The following PPP2R2B variants were observed in gnomAD, a reference collection of about 807,000 sequenced individuals.
The protein encoded by PPP2R2B is serine/threonine-protein phosphatase 2A 55 kDa regulatory subunit B beta isoform.
PPP2R2B carries 5 observed loss-of-function variants against 46.0 expected under a neutral mutation model. The observed-to-expected ratio is 0.11, with a 90% CI of 0.06 to 0.23. The LOEUF (loss-of-function observed/expected upper bound fraction) is 0.23, where lower values mean the gene tolerates loss of function less well. Ranked by LOEUF, PPP2R2B falls within the 10% of genes least tolerant of loss-of-function variation. The pLI is 1.00. For synonymous variants in PPP2R2B, 215 were observed against 206.7 expected, an observed-to-expected ratio of 1.04 and a Z score of -0.34; for missense variants, 367 against 575.0, an observed-to-expected ratio of 0.64 and a Z score of 3.70.
At chr5:146,711,319 C>T (rs911574488) in intron 2 of PPP2R2B, among the ~76,000 whole-genome samples, 1 of 151,938 alleles carries the variant, frequency 6.6e-6, no homozygotes, top group Non-Finnish European at 1.5e-5. Flanking sequence ...AGAGCCAATA[C>T]CAAAGTGGAC....
chr5:146,955,003 G>A (rs779508362), intron 1 of PPP2R2B, among the ~76,000 whole-genome samples: 3 of 152,106 alleles, frequency 2.0e-5, no homozygotes, highest in Admixed American at 6.6e-5. Flanking sequence ...TTATCTGCTC[G>A]ATGGTCCTCC....
At chr5:146,775,098 C>T (rs530360008) in intron 2 of PPP2R2B, among the ~76,000 whole-genome samples, 23 of 152,064 alleles carry the variant, frequency 1.5e-4, no homozygotes, top group Admixed American at 3.9e-4. Flanking sequence ...TTCAAAAAAA[C>T]GAAAACAAAA....
intron 1 of PPP2R2B, among the ~76,000 whole-genome samples, chr5:146,916,669 A>G (rs1582419912): frequency 3.9e-5 from 6 of 152,292 alleles, no homozygotes; most frequent in Admixed American, 3.9e-4. Flanking sequence ...TCCAAACAGT[A>G]GCTCCAGATT....
At chr5:146,900,120 C>T (rs111959016) in intron 1 of PPP2R2B, among the ~76,000 whole-genome samples, 43 of 152,290 alleles carry the variant, frequency 2.8e-4, no homozygotes, top group Middle Eastern at 6.8e-3. Flanking sequence ...TTGAGCCATG[C>T]CCTTCCTTTG....
intron 2 of PPP2R2B, among the ~76,000 whole-genome samples, chr5:146,852,092 G>T (rs1760384459): frequency 6.6e-6 from 1 of 151,998 alleles, no homozygotes; most frequent in Non-Finnish European, 1.5e-5. Context: ...AAATTAAAGT[G>T]GCTCACTTAT....
At chr5:146,709,032 T>G (rs941342039) in intron 2 of PPP2R2B, among the ~76,000 whole-genome samples, 1 of 152,242 alleles carries the variant, frequency 6.6e-6, no homozygotes, top group Admixed American at 6.5e-5. Context: ...TTGCTATCCT[T>G]GACCTACTGT....
At chr5:146,887,180 T>A (rs772060202) in intron 1 of PPP2R2B, among the ~76,000 whole-genome samples, 1 of 152,172 alleles carries the variant, frequency 6.6e-6, no homozygotes, top group Non-Finnish European at 1.5e-5. Flanking sequence ...GAATTACTAA[T>A]GACATATCTA....
intron 2 of PPP2R2B, among the ~76,000 whole-genome samples, chr5:146,767,258 T>C (rs920466275): frequency 3.9e-5 from 6 of 152,160 alleles, no homozygotes; most frequent in Admixed American, 3.9e-4. Context: ...TGTCTCCTGT[T>C]TGGGGAGTCC....
intron 1 of PPP2R2B, among the ~76,000 whole-genome samples, chr5:146,942,755 T>C (rs188550230): frequency 3.9e-5 from 6 of 152,276 alleles, no homozygotes; most frequent in Admixed American, 3.9e-4. Context: ...TGTGAAATTC[T>C]AAATCATGGC....
intron 1 of PPP2R2B, among the ~76,000 whole-genome samples, chr5:146,977,813 G>A (rs1334454018): frequency 6.6e-6 from 1 of 152,106 alleles, no homozygotes; most frequent in Non-Finnish European, 1.5e-5. Context: ...CTTTGATATT[G>A]TGAATAGTGC....
At chr5:146,767,249 G>A (rs1754542766) in intron 2 of PPP2R2B, among the ~76,000 whole-genome samples, 1 of 151,928 alleles carries the variant, frequency 6.6e-6, no homozygotes, top group Admixed American at 6.6e-5. Context: ...CCCACCCCTT[G>A]TCTCCTGTTT....
intron 8 of PPP2R2B, among the ~76,000 whole-genome samples, chr5:146,599,961 C>G (rs1279136492): frequency 6.6e-6 from 1 of 152,194 alleles, no homozygotes; most frequent in Non-Finnish European, 1.5e-5. Flanking sequence ...GCTGGACCAT[C>G]TCTTGCAGAG....
At chr5:146,797,394 A>G (rs1433172534) in intron 2 of PPP2R2B, among the ~76,000 whole-genome samples, 6 of 152,190 alleles carry the variant, frequency 3.9e-5, no homozygotes, top group Admixed American at 2.6e-4. Flanking sequence ...TGTACTGAAC[A>G]TTATACAGTG....
intron 5 of PPP2R2B, among the ~76,000 whole-genome samples, chr5:146,686,092 G>T (rs1433729124): frequency 6.6e-6 from 1 of 152,214 alleles, no homozygotes; most frequent in African/African-American, 2.4e-5. Flanking sequence ...TTCTAGCCAT[G>T]AGATTTTGGG....
intron 1 of PPP2R2B, among the ~76,000 whole-genome samples, chr5:146,908,271 T>C: frequency 6.6e-6 from 1 of 152,152 alleles, no homozygotes. Flanking sequence ...CAGATCTTTG[T>C]AAAGGTTGGT....
At position 146,650,785 on chromosome 5, in the gene PPP2R2B, G is replaced by C. The variant is rs1273230091; in HGVS notation, c.448-61C>G. 3 of 1,465,086 alleles carry C rather than the reference G, an allele frequency of 2.0e-6. No individual in the cohort carries two copies. The East Asian group carries it at 6.9e-5, about 34-fold the overall frequency. 90.8% of individuals were successfully genotyped at this position (1,465,086 alleles called of 1,614,324 possible). A position where few individuals can be genotyped will look rare whatever the true frequency, so the allele number is the denominator to read the frequency against. On this transcript the variant is annotated intron_variant, in intron 5 of 9. Transcript: ENST00000394411. The stretch of plus-strand genomic sequence containing the variant: ...AAGATCTTCCATAGGAAAAGAGTGT[G>C]CATGCTAATATCATTTATTATCACA...
rs563116683 is a variant in PPP2R2B at position 146,985,367 on chromosome 5, G to A, written c.79+70298C>T. On this transcript the variant is annotated intron_variant, in intron 1 of 8. Coordinates refer to the PPP2R2B transcript ENST00000336640. ...CATCCATAGGTTGTCTCTTTACATGGTTAGTTGTTTCCTTTACTGTGCAGA... is the reference window on the plus strand; with the variant it reads ...CATCCATAGGTTGTCTCTTTACATGATTAGTTGTTTCCTTTACTGTGCAGA... Among the ~76,000 whole-genome samples the A allele has an allele frequency of 7.9e-5, 12 of 152,198 alleles. No homozygotes were observed. The East Asian group carries it at 2.3e-3, about 29-fold the overall frequency.
rs554843132 is a variant in PPP2R2B at position 146,740,710 on chromosome 5, C to T, written c.71-39568G>A. Reference sequence around the variant, plus strand: ...ACCTGATGATTTTTACTCACACTGTCTGATTATTTTTTCACAATGAGCATA... The same window carrying T: ...ACCTGATGATTTTTACTCACACTGTTTGATTATTTTTTCACAATGAGCATA... On this transcript the variant is annotated intron_variant, in intron 2 of 9. Transcript: ENST00000394411. Among the ~76,000 whole-genome samples the T allele has an allele frequency of 1.6e-4, 25 of 151,714 alleles. 1 individual carries two copies. The South Asian group carries it at 4.8e-3, about 29-fold the overall frequency.
intron 2 of PPP2R2B, among the ~76,000 whole-genome samples, chr5:146,843,988 ATGGTAT>A (rs1759825000): frequency 6.6e-6 from 1 of 151,942 alleles, no homozygotes; most frequent in South Asian, 2.1e-4. Context: ...GCTGGGTCAA[ATGGTAT>A]TTCTAGTTCT....
Sources: gnomAD v4.1 joint callset for allele counts (sites outside exome capture counted in the v4.1 genomes callset) on GRCh38, gnomAD v4.1.1 for gene constraint, MANE v1.5 for transcripts, NCBI Gene and HGNC (gene_info 2026-07-23, HGNC 2026-07-21) for gene names.